FBXO28: variants seen among roughly 807,000 people sequenced by gnomAD.
FBXO28 encodes F-box only protein 28.
Under a neutral mutation model 38.1 loss-of-function variants are expected in FBXO28, and 8 were observed. The ratio of observed to expected loss-of-function variants is 0.21; its 90% CI spans 0.12 to 0.38. The LOEUF (loss-of-function observed/expected upper bound fraction) is 0.38, where lower values mean the gene tolerates loss of function less well. Ranked by LOEUF, FBXO28 falls within the 10% of genes least tolerant of loss-of-function variation. The probability of loss-of-function intolerance (pLI) is 1.00; values close to 1 mark genes in which losing one functional copy is unlikely to be tolerated. For synonymous variants in FBXO28, 168 were observed against 173.8 expected (o/e 0.97, Z 0.26); for missense variants, 345 against 460.6 (o/e 0.75, Z 2.30).
chr1:224,128,812 A>T (rs915783284), intron 1 of FBXO28, among the ~76,000 whole-genome samples: 1 of 151,818 alleles, frequency 6.6e-6, no homozygotes, highest in African/African-American at 2.4e-5. Flanking sequence ...ATAGACCCCC[A>T]TCTCTACAAA....
chr1:224,153,708 G>A (rs1015115047), intron 4 of FBXO28, among the ~76,000 whole-genome samples: 17 of 151,520 alleles, frequency 1.1e-4, no homozygotes, highest in Admixed American at 5.9e-4. Flanking sequence ...ATCACCTGAG[G>A]TCGGTAGTTC....
Position 224,157,639 on chromosome 1 carries a change from A to C in FBXO28, c.1000A>C (p.Asn334His). ...LREVMESAVG[N>H]SSGSGQNEES... is the part of the protein sequence containing the mutation. Reference sequence around the variant, plus strand: ...AGAAGTAATGGAAAGTGCTGTAGGAAATTCCTCAGGGTCCGGGCAGAATGA... The same window carrying C: ...AGAAGTAATGGAAAGTGCTGTAGGACATTCCTCAGGGTCCGGGCAGAATGA... The change falls in exon 5 of 5, where the codon AAT (asparagine) becomes CAT (histidine). Residue 334 changes from asparagine (N) to histidine (H), a missense_variant. Asn to His is a moderately conservative substitution (Grantham distance 68, BLOSUM62 1). Around this residue, in one of 6 missense-constraint regions of FBXO28, gnomAD observed 151 missense variants for 188.3 expected, o/e 0.80. Coordinates refer to ENST00000366862, the MANE Select transcript of FBXO28 (RefSeq NM_015176.4). 6.2e-7 allele frequency: 1 copy of C among 1,614,260 alleles called. No individual in the cohort carries two copies.
chr1:224,132,456 C>T (rs1263204367), intron 2 of FBXO28, among the ~76,000 whole-genome samples: 1 of 152,106 alleles, frequency 6.6e-6, no homozygotes, highest in Non-Finnish European at 1.5e-5. Context: ...CAAATTGGAA[C>T]CTTCATATAT....
chr1:224,134,255 A>G (rs373735363), intron 3 of FBXO28, 43 bp downstream of exon 3: 54 of 1,590,082 alleles, frequency 3.4e-5, no homozygotes, highest in Non-Finnish European at 6.0e-6. Flanking sequence ...ACTGCCCTAC[A>G]TAAACTTATT....
chr1:224,145,677 C>T (rs1277919573), intron 3 of FBXO28, among the ~76,000 whole-genome samples: 2 of 152,122 alleles, frequency 1.3e-5, no homozygotes, highest in Admixed American at 6.6e-5. Context: ...AATCCCAGCA[C>T]TTTGGAAGGC....
chr1:224,157,289 T>C (rs918004412), intron 4 of FBXO28, 63 bp from the exon 5 acceptor site: 3 of 1,509,136 alleles, frequency 2.0e-6, no homozygotes, highest in African/African-American at 2.8e-5. Context: ...TTTAAATAAG[T>C]GTAAGTATTA....
At chr1:224,143,967 T>G (rs1490040486) in intron 3 of FBXO28, among the ~76,000 whole-genome samples, 2 of 144,898 alleles carry the variant, frequency 1.4e-5, no homozygotes, top group Admixed American at 6.9e-5. Flanking sequence ...CCAGTAGAGA[T>G]AGTGAAACCC....
Position 224,139,551 on chromosome 1 carries a change from G to T in FBXO28, c.516+5339G>T, listed in dbSNP as rs1298090259. Among the ~76,000 whole-genome samples the T allele has an allele frequency of 1.8e-3, 271 of 149,878 alleles. 7 individuals carry two copies. The highest frequency in any genetic ancestry group is 6.5e-3 in the African/African-American group (257 of 39,362). On this transcript the variant is annotated intron_variant, in intron 3 of 4. Transcript: ENST00000366862. ...AAGATCGAGAGATCGAGACCAGCCTGGCCAACATGGTGAAACCCCGTCTCT... is the reference window on the plus strand; with the variant it reads ...AAGATCGAGAGATCGAGACCAGCCTTGCCAACATGGTGAAACCCCGTCTCT...
intron 3 of FBXO28, among the ~76,000 whole-genome samples, chr1:224,136,828 C>T (rs988195126): frequency 5.3e-5 from 8 of 151,416 alleles, no homozygotes; most frequent in African/African-American, 1.7e-4. Flanking sequence ...CTTGGCTCAC[C>T]GCAACCTCTG....
At chr1:224,149,490 C>G (rs760619169) in intron 3 of FBXO28, among the ~76,000 whole-genome samples, 10 of 152,022 alleles carry the variant, frequency 6.6e-5, no homozygotes, top group Admixed American at 2.6e-4. Flanking sequence ...CACGCCCAGC[C>G]AAAAAACAAA....
chr1:224,131,643 C>T (rs1197181137), intron 2 of FBXO28, among the ~76,000 whole-genome samples: 2 of 152,126 alleles, frequency 1.3e-5, no homozygotes, highest in African/African-American at 2.4e-5. Flanking sequence ...TGGACCTCTT[C>T]CTCATACTGT....
At position 224,157,709 on chromosome 1, in the gene FBXO28, C is replaced by G. The variant is rs777141340; in HGVS notation, c.1070C>G (p.Ser357Cys). ...AAAAAGGCCACGGAAGCCATAGACT[C>G]TCTTAGGAAATCTAAACGTCTTCGG... ...KRKKATEAID[S>C]LRKSKRLRNR... Residue 357 changes from serine (S) to cysteine (C), a missense_variant, in exon 5 of 5, where the codon TCT (serine) becomes TGT (cysteine). By Grantham distance (112) the Ser-to-Cys change is moderately radical. Coordinates refer to ENST00000366862, the MANE Select transcript of FBXO28 (RefSeq NM_015176.4). 3.7e-6 allele frequency: 6 copies of G among 1,608,506 alleles called. No homozygotes were observed. The highest frequency in any genetic ancestry group is 1.7e-5 in the Admixed American group (1 of 58,234).
intron 3 of FBXO28, among the ~76,000 whole-genome samples, chr1:224,144,240 G>A (rs1657442886): frequency 6.6e-6 from 1 of 151,318 alleles, no homozygotes; most frequent in African/African-American, 2.4e-5. Flanking sequence ...AAGATAGGAG[G>A]ATCACTTGAG....
At chr1:224,128,955 C>T (rs998934560) in intron 1 of FBXO28, among the ~76,000 whole-genome samples, 11 of 126,522 alleles carry the variant, frequency 8.7e-5, no homozygotes, top group Non-Finnish European at 1.4e-4. Context: ...CACTGCACTT[C>T]AGCCTAGACA....
At chr1:224,144,978 T>C (rs58090997) in intron 3 of FBXO28, among the ~76,000 whole-genome samples, 9,310 of 151,888 alleles carry the variant, frequency 0.061, 850 homozygotes, top group African/African-American at 0.2. Context: ...ATTTCAGTGT[T>C]TGATATTAGA....
intron 1 of FBXO28, among the ~76,000 whole-genome samples, chr1:224,126,307 TA>T (rs1308378567): frequency 6.6e-6 from 1 of 152,212 alleles, no homozygotes; most frequent in African/African-American, 2.4e-5. Context: ...GCAAAACTAG[TA>T]AAATAATTTT....
chr1:224,156,642 GCA>G (rs1275737558), intron 4 of FBXO28, among the ~76,000 whole-genome samples: 1 of 152,186 alleles, frequency 6.6e-6, no homozygotes, highest in Non-Finnish European at 1.5e-5. Flanking sequence ...TTAGAAACGT[GCA>G]ACCTGTAGGT....
intron 4 of FBXO28, among the ~76,000 whole-genome samples, chr1:224,156,352 TCCC>T (rs1657773152): frequency 1.3e-5 from 2 of 152,112 alleles, no homozygotes; most frequent in Admixed American, 1.3e-4. Context: ...TTTAGTGGAG[TCCC>T]TATCATTTGG....
At chr1:224,136,760 T>C (rs1657198118) in intron 3 of FBXO28, among the ~76,000 whole-genome samples, 1 of 151,344 alleles carries the variant, frequency 6.6e-6, no homozygotes, top group East Asian at 2.0e-4. Context: ...GTCTTTTTGT[T>C]TTTGTTTTTG....
Sources: gnomAD v4.1 joint callset for allele counts (sites outside exome capture counted in the v4.1 genomes callset) on GRCh38, gnomAD v4.1.1 for gene constraint, gnomAD v4.1.1 regional missense constraint, MANE v1.5 for transcripts, NCBI Gene and HGNC (gene_info 2026-07-23, HGNC 2026-07-21) for gene names.